The following TPR variants were observed in gnomAD, a reference collection of about 807,000 sequenced individuals.
The protein encoded by TPR is translocated promoter region, nuclear basket protein.
In TPR, 51 loss-of-function variants were observed where a neutral mutation model predicts 316.1. The observed-to-expected ratio is 0.16, with a 90% CI of 0.13 to 0.20. The LOEUF is 0.20. TPR is among the 10% of genes least tolerant of loss of function. The pLI is 1.00. For missense variants in TPR, 2,272 were observed against 2,754.8 expected, an observed-to-expected ratio of 0.82 and a Z score of 3.92; for synonymous variants, 981 against 914.7, an observed-to-expected ratio of 1.07 and a Z score of -1.31.
chr1:186,321,488 C>T (rs1657775504), intron 45 of TPR, among the ~76,000 whole-genome samples: 1 of 152,182 alleles, frequency 6.6e-6, no homozygotes, highest in African/African-American at 2.4e-5. Context: ...ACTGCAACTT[C>T]CTTGCTGTCT....
At position 186,351,460 on chromosome 1, in the gene TPR, T is replaced by G; in HGVS notation, c.2480A>C (p.Glu827Ala). ...TNLQTIQGIL[E>A]RSETETKQRL... ...TTGTTTGGTTTCTGTTTCAGATCGC[T>G]CCAGTATTCCCTAAAGCAAAGAAAA... Residue 827 changes from glutamate to alanine, a missense_variant, in exon 20 of 51, where the codon GAG (glutamate) becomes GCG (alanine). By Grantham distance (107) the Glu-to-Ala change is moderately radical. Around this residue, in one of 10 missense-constraint regions of TPR, gnomAD observed 757 missense variants for 859.8 expected, o/e 0.88. Transcript: ENST00000367478. The G allele has an allele frequency of 6.3e-7, 1 of 1,599,528 alleles. No individual in the cohort carries two copies.
At chr1:186,327,944 T>C (rs1432557437) in intron 39 of TPR, among the ~76,000 whole-genome samples, 1 of 151,972 alleles carries the variant, frequency 6.6e-6, no homozygotes, top group Non-Finnish European at 1.5e-5. Context: ...CCACGAAGTC[T>C]GGCTAATTTT....
chr1:186,349,170 G>T (rs1434304929), intron 21 of TPR, among the ~76,000 whole-genome samples: 1 of 152,176 alleles, frequency 6.6e-6, no homozygotes, highest in African/African-American at 2.4e-5. Flanking sequence ...TTAGCCTACA[G>T]TTGGGAAAAA....
intron 20 of TPR, 32 bp from the exon 21 acceptor site, chr1:186,350,420 T>C (rs547965620): frequency 6.8e-7 from 1 of 1,477,368 alleles, no homozygotes; most frequent in East Asian, 2.4e-5. Context: ...TAACATTCTT[T>C]AGGTTCCTAA....
rs961471777 is a variant in TPR, at chr1:186,345,687, A to G, written c.3106T>C (p.Leu1036=). 1.2e-6 allele frequency: 2 copies of G among 1,608,290 alleles called. No homozygotes were observed. The highest frequency in any genetic ancestry group is 1.7e-6 in the Non-Finnish European group (2 of 1,176,632). Residue 1036 remains leucine, a synonymous_variant, in exon 24 of 51, where the codon TTG becomes CTG. Coordinates refer to ENST00000367478, the MANE Select transcript of TPR (RefSeq NM_003292.3). ...TGAACACTAGAAAGTGTTTTCTTCA[A>G]TTCAGATAACTAAGCAGAAAGAACA... The part of the protein sequence containing the change: ...IESMEQQLSE[L]KKTLSSVQNE...
chr1:186,355,837 T>C, intron 15 of TPR, 69 bp from the exon 16 acceptor site: 1 of 1,546,258 alleles, frequency 6.5e-7, no homozygotes, highest in Non-Finnish European at 8.8e-7. Context: ...CTAATGCTTC[T>C]TTGCAAATAC....
intron 14 of TPR, chr1:186,356,652 C>T: frequency 2.3e-6 from 1 of 439,510 alleles, no homozygotes; most frequent in South Asian, 6.3e-5. Flanking sequence ...CTTACCAATG[C>T]AATCTGAAAA....
chr1:186,353,719 CT>C lies in TPR; in HGVS notation c.2302del (p.Arg768GlufsTer7). 6.2e-7 allele frequency: 1 copy of C among 1,614,078 alleles called. No homozygotes were observed. The highest frequency in any genetic ancestry group is 2.2e-5 in the East Asian group (1 of 44,850). On this transcript the variant is annotated frameshift_variant, in exon 18 of 51. Coordinates refer to ENST00000367478, the MANE Select transcript of TPR (RefSeq NM_003292.3). LOFTEE classifies it high-confidence loss of function. ...QIINTMTQDL[R>X]GANEKLAVAE... is the part of the protein sequence containing the mutation. ...GACAGCTAGCTTCTCATTTGCTCCT[CT>C]CAAATCTTGAGTCATCGTATTGATA...
rs1012226976 is a variant in TPR, at chr1:186,356,410, A to C, written c.1764T>G (p.Thr588=). Residue 588 remains threonine, a synonymous_variant, in exon 15 of 51, where the codon ACT becomes ACG. Transcript: ENST00000367478. ...GTGATTTGCGGAGTTGTTCTAGTTC[A>C]GTAAGGGCACTCTCAAGTTTGAGCT... ...ELQLKLESAL[T]ELEQLRKSRQ... 6 of 1,613,024 alleles carry C rather than the reference A, an allele frequency of 3.7e-6. No homozygotes were observed. Among genetic ancestry groups the C allele is most frequent in the Middle Eastern group, 1.6e-4 (1 of 6,082 alleles).
intron 29 of TPR, 81 bp from the exon 30 acceptor site, chr1:186,339,853 T>C: frequency 1.6e-6 from 2 of 1,222,066 alleles, no homozygotes; most frequent in East Asian, 2.6e-5. Flanking sequence ...GAATATCTGA[T>C]TATGTTTATA....
At chr1:186,349,740 T>C (rs1658802279) in intron 21 of TPR, among the ~76,000 whole-genome samples, 1 of 151,836 alleles carries the variant, frequency 6.6e-6, no homozygotes, top group East Asian at 1.9e-4. Flanking sequence ...ACTTGAAAGA[T>C]GTATTTAAAA....
chr1:186,360,243 GAATTT>G, intron 11 of TPR, 25 bp downstream of exon 11: 1 of 1,594,360 alleles, frequency 6.3e-7, no homozygotes, highest in Non-Finnish European at 8.5e-7. Flanking sequence ...TGAAGAAAAA[GAATTT>G]AACAACATTT....
At chr1:186,343,035 T>C (rs898149119) in intron 27 of TPR, 29 of 256,872 alleles carry the variant, frequency 1.1e-4, no homozygotes, top group African/African-American at 6.4e-4. Flanking sequence ...TTAAACCTCA[T>C]TATTATCCAA....
At chr1:186,350,983 G>C (rs889808257) in intron 20 of TPR, among the ~76,000 whole-genome samples, 1 of 152,150 alleles carries the variant, frequency 6.6e-6, no homozygotes, top group African/African-American at 2.4e-5. Flanking sequence ...TAATACTCAT[G>C]AAAGTATTGG....
At chr1:186,345,783 T>C in intron 23 of TPR, 87 bp from the exon 24 acceptor site, 1 of 983,878 alleles carries the variant, frequency 1.0e-6, no homozygotes, top group Non-Finnish European at 1.5e-6. Flanking sequence ...AATTGAAGTC[T>C]CATTTTTTAA....
intron 33 of TPR, 25 bp downstream of exon 33, chr1:186,336,471 G>A: frequency 6.2e-7 from 1 of 1,610,670 alleles, no homozygotes; most frequent in Non-Finnish European, 8.5e-7. Flanking sequence ...TCACTACCAA[G>A]TTCAAACTTT....
intron 37 of TPR, 139 bp downstream of exon 37, chr1:186,332,983 T>C (rs1658216164): frequency 3.0e-6 from 3 of 998,440 alleles, no homozygotes; most frequent in Non-Finnish European, 4.3e-6. Context: ...ATACGTATTA[T>C]ATCCAAGATA....
intron 39 of TPR, 81 bp downstream of exon 39, chr1:186,331,417 C>A (rs556777400): frequency 4.3e-6 from 4 of 936,034 alleles, no homozygotes; most frequent in East Asian, 2.6e-5. Context: ...AAAAAAAAGA[C>A]CAAATAATGT....
rs7526540 is a variant in TPR at position 186,332,315 on chromosome 1, T to C, written c.5484A>G (p.Pro1828=). Reference sequence around the variant, plus strand: ...CCTCTTCCTCTTCACGTGTACGCTTTGGCAAAGAAGAACTGGGGGTAGCCG... The same window carrying C: ...CCTCTTCCTCTTCACGTGTACGCTTCGGCAAAGAAGAACTGGGGGTAGCCG... ...TVSATPSSSL[P]KRTREEEEDS... is the part of the protein sequence containing the mutation. The change falls in exon 38 of 51, where the codon CCA becomes CCG. Residue 1828 remains proline, a synonymous_variant. Transcript: ENST00000367478. 0.046 allele frequency: 74,182 copies of C among 1,612,392 alleles called. 1,913 individuals are homozygous for C. The highest frequency in any genetic ancestry group is 0.049 in the Non-Finnish European group (57,823 of 1,179,156).
Sources: allele counts gnomAD v4.1 joint callset (sites outside exome capture counted in the v4.1 genomes callset), GRCh38; gene constraint gnomAD v4.1.1; regional missense constraint gnomAD v4.1.1; transcripts MANE v1.5; gene names NCBI Gene and HGNC (gene_info 2026-07-23, HGNC 2026-07-21).